COL25A1: variants seen among roughly 807,000 people sequenced by gnomAD.
COL25A1 encodes the protein collagen alpha-1(XXV) chain.
Under a neutral mutation model 128.4 loss-of-function variants are expected in COL25A1, and 103 were observed. That is an observed-to-expected ratio of 0.80 (90% confidence interval 0.68 to 0.94). COL25A1 has a LOEUF of 0.94. Ranked by LOEUF, COL25A1 falls within the 40% of genes least tolerant of loss-of-function variation. COL25A1 has a pLI of 0.00. For missense variants in COL25A1, 745 were observed against 840.0 expected (o/e 0.89, Z 1.40); for synonymous variants, 279 against 277.2 (o/e 1.01, Z -0.06).
intron 3 of COL25A1, among the ~76,000 whole-genome samples, chr4:109,235,011 A>T (rs7692902): frequency 0.072 from 10,843 of 151,412 alleles, 895 homozygotes; most frequent in African/African-American, 0.2. Context: ...TACTATATTT[A>T]AAAAAAAACA....
chr4:109,015,597 T>C (rs1471115765), intron 5 of COL25A1, among the ~76,000 whole-genome samples: 1 of 152,188 alleles, frequency 6.6e-6, no homozygotes, highest in African/African-American at 2.4e-5. Flanking sequence ...ACTGACTCAC[T>C]GTACGTCAAC....
chr4:108,987,219 G>T (rs1753733444), intron 6 of COL25A1, among the ~76,000 whole-genome samples: 1 of 152,006 alleles, frequency 6.6e-6, no homozygotes, highest in South Asian at 2.1e-4. Context: ...TCCACAAGGA[G>T]CCTCTCCTCC....
intron 13 of COL25A1, among the ~76,000 whole-genome samples, chr4:108,917,880 C>G (rs1041491507): frequency 2.0e-5 from 3 of 152,030 alleles, no homozygotes; most frequent in African/African-American, 7.2e-5. Context: ...ATAAATTTTC[C>G]CAATTCCATA....
At chr4:108,968,695 T>C (rs754493425) in intron 8 of COL25A1, among the ~76,000 whole-genome samples, 1 of 152,196 alleles carries the variant, frequency 6.6e-6, no homozygotes, top group African/African-American at 2.4e-5. Context: ...CCCTCTGTGA[T>C]AGTTCAGCTG....
chr4:109,241,770 A>G (rs1779909348), intron 3 of COL25A1, among the ~76,000 whole-genome samples: 1 of 152,072 alleles, frequency 6.6e-6, no homozygotes, highest in South Asian at 2.1e-4. Flanking sequence ...TTTACAACAC[A>G]GGAAACATTT....
At chr4:109,178,180 ATAAGG>A (rs1774270703) in intron 3 of COL25A1, among the ~76,000 whole-genome samples, 1 of 152,212 alleles carries the variant, frequency 6.6e-6, no homozygotes, top group South Asian at 2.1e-4. Context: ...AATCATTCAA[ATAAGG>A]TGTAACAAAC....
At chr4:108,961,604 CTGT>C (rs1218538169) in intron 8 of COL25A1, among the ~76,000 whole-genome samples, 4 of 151,956 alleles carry the variant, frequency 2.6e-5, no homozygotes, top group Non-Finnish European at 5.9e-5. Flanking sequence ...CTGTTCTGTT[CTGT>C]TCTGTTCTGT....
intron 3 of COL25A1, among the ~76,000 whole-genome samples, chr4:109,110,145 G>A (rs1766860798): frequency 6.6e-6 from 1 of 152,072 alleles, no homozygotes; most frequent in African/African-American, 2.4e-5. Context: ...TCAAAAATTA[G>A]CATCAAGAGC....
intron 5 of COL25A1, among the ~76,000 whole-genome samples, chr4:109,012,595 T>C (rs1200989332): frequency 6.6e-6 from 1 of 151,574 alleles, no homozygotes; most frequent in Non-Finnish European, 1.5e-5. Context: ...GTGCCAGCCC[T>C]GGGCAGTAAG....
At chr4:109,033,411 A>G (rs1473102696) in intron 5 of COL25A1, among the ~76,000 whole-genome samples, 1 of 152,226 alleles carries the variant, frequency 6.6e-6, no homozygotes, top group Non-Finnish European at 1.5e-5. Flanking sequence ...AATCCACAGC[A>G]CAATGAAATC....
At chr4:108,831,501 C>T (rs1263427521) in intron 32 of COL25A1, among the ~76,000 whole-genome samples, 5 of 151,934 alleles carry the variant, frequency 3.3e-5, no homozygotes, top group African/African-American at 1.2e-4. Flanking sequence ...TTTAAAAGAC[C>T]ACAAACTTGC....
At chr4:109,135,018 T>C (rs986020928) in intron 3 of COL25A1, among the ~76,000 whole-genome samples, 5 of 121,410 alleles carry the variant, frequency 4.1e-5, no homozygotes, top group Non-Finnish European at 7.9e-5. Flanking sequence ...AAGTAAACTT[T>C]TCTGTCAAAA....
At chr4:108,860,190 C>T (rs1560762715) in intron 23 of COL25A1, among the ~76,000 whole-genome samples, 2 of 152,172 alleles carry the variant, frequency 1.3e-5, no homozygotes, top group Non-Finnish European at 2.9e-5. Flanking sequence ...CGGCTCACTG[C>T]AACCTCTGCC....
chr4:109,232,410 T>C (rs1035825032), intron 3 of COL25A1, among the ~76,000 whole-genome samples: 5 of 152,220 alleles, frequency 3.3e-5, no homozygotes, highest in African/African-American at 9.6e-5. Flanking sequence ...AACACTCCTA[T>C]AAATTGTGGC....
rs113633684 is a variant in COL25A1, at chr4:108,981,482, T to C, written c.439-6923A>G. Among the ~76,000 whole-genome samples the C allele has an allele frequency of 2.7e-3, 405 of 152,316 alleles. 1 individual carries two copies. The highest frequency in any genetic ancestry group is 9.4e-3 in the African/African-American group (389 of 41,566). The stretch of plus-strand genomic sequence containing the variant: ...TCATAGGAGTTCCCGTATGTAAGTA[T>C]AGATAAATTGTGTGTGTGGATACTT... On this transcript the variant is annotated intron_variant, in intron 6 of 37. Coordinates refer to ENST00000399132, the MANE Select transcript of COL25A1 (RefSeq NM_198721.4).
intron 6 of COL25A1, among the ~76,000 whole-genome samples, chr4:109,009,476 A>T (rs1756368448): frequency 1.3e-5 from 2 of 152,218 alleles, no homozygotes; most frequent in Admixed American, 1.3e-4. Flanking sequence ...TATTCTTATG[A>T]TCTGGTATGA....
At chr4:109,228,067 A>T (rs1423246970) in intron 3 of COL25A1, among the ~76,000 whole-genome samples, 1 of 152,110 alleles carries the variant, frequency 6.6e-6, no homozygotes, top group African/African-American at 2.4e-5. Context: ...GGCAGAAGAA[A>T]AGTCTGTCTC....
intron 3 of COL25A1, among the ~76,000 whole-genome samples, chr4:109,299,814 C>A (rs1725332360): frequency 6.6e-6 from 1 of 152,076 alleles, no homozygotes; most frequent in Admixed American, 6.5e-5. Context: ...CCAAGGGCTT[C>A]TAAATTGTTA....
chr4:108,817,449 A>G lies in COL25A1; in HGVS notation c.1924-14T>C, dbSNP rs1560693184. On this transcript the variant is annotated splice_polypyrimidine_tract_variant and intron_variant, in intron 36 of 37. Transcript: ENST00000399132. ...GCCATCTGGCCCCTGTTTTAAAGAG[A>G]AGAAAAAGAATTCCTCAGGTTCCAT... 1 of 1,612,314 alleles carries G rather than the reference A, an allele frequency of 6.2e-7. No individual in the cohort carries two copies. The highest frequency in any genetic ancestry group is 8.5e-7 in the Non-Finnish European group (1 of 1,178,660).
Sources: allele counts gnomAD v4.1 joint callset (sites outside exome capture counted in the v4.1 genomes callset), GRCh38; gene constraint gnomAD v4.1.1; transcripts MANE v1.5; gene names NCBI Gene and HGNC (gene_info 2026-07-23, HGNC 2026-07-21).